The following ASTN2 variants were observed in gnomAD, a reference collection of about 807,000 sequenced individuals.
The protein encoded by ASTN2 is astrotactin-2.
A neutral mutation model predicts 139.8 loss-of-function variants in ASTN2; 54 were observed. The observed-to-expected ratio is 0.39, with a 90% confidence interval of 0.31 to 0.48. The LOEUF (loss-of-function observed/expected upper bound fraction) is 0.48. Among genes scored for constraint, ASTN2 ranks in the 20% least tolerant of loss-of-function variants. The pLI, the probability that ASTN2 is intolerant of heterozygous loss-of-function variation, is 0.95. For synonymous variants in ASTN2, 756 were observed against 719.5 expected (o/e 1.05, Z -0.81); for missense variants, 1,565 against 1,725.1 (o/e 0.91, Z 1.64).
chr9:117,359,019 T>C (rs1454757686), intron 1 of ASTN2, among the ~76,000 whole-genome samples: 1 of 152,156 alleles, frequency 6.6e-6, no homozygotes, highest in Non-Finnish European at 1.5e-5. Context: ...ATAATTCCTC[T>C]AAGAGTAAAC....
chr9:116,880,706 G>C (rs771058699), intron 10 of ASTN2, among the ~76,000 whole-genome samples: 1 of 152,018 alleles, frequency 6.6e-6, no homozygotes, highest in Non-Finnish European at 1.5e-5. Context: ...CTCCCTTCCT[G>C]TTCCTTCTAG....
intron 4 of ASTN2, among the ~76,000 whole-genome samples, chr9:117,100,572 C>A (rs1828952866): frequency 6.6e-6 from 1 of 152,166 alleles, no homozygotes; most frequent in Non-Finnish European, 1.5e-5. Context: ...GTGCTTACAG[C>A]ACATCACAAT....
chr9:117,039,982 A>G lies in ASTN2; in HGVS notation c.1277-17T>C, dbSNP rs187924407. ...TCAGCAAACCTGGTAACAAGAACAT[A>G]CACAAAGACACAAAATTCCATGAGG... On this transcript the variant is annotated splice_polypyrimidine_tract_variant and intron_variant, in intron 5 of 22. Coordinates refer to ENST00000313400, the MANE Select transcript of ASTN2 (RefSeq NM_001365068.1). The G allele has an allele frequency of 3.0e-4, 470 of 1,590,098 alleles. 1 individual carries two copies. Among genetic ancestry groups the G allele is most frequent in the Non-Finnish European group, 3.6e-4 (414 of 1,165,348 alleles).
intron 10 of ASTN2, among the ~76,000 whole-genome samples, chr9:116,948,785 G>GTTTTT (rs58832163): frequency 0.014 from 672 of 49,468 alleles, 166 homozygotes; most frequent in African/African-American, 0.045. Flanking sequence ...ATAATTTGGT[G>GTTTTT]TTTTTTTTTT....
chr9:116,590,631 G>A (rs1588046189), intron 19 of ASTN2, among the ~76,000 whole-genome samples: 1 of 152,322 alleles, frequency 6.6e-6, no homozygotes. Context: ...TGAACCCTGG[G>A]GGCTGGGCTG....
chr9:116,893,833 A>G (rs767338604), intron 10 of ASTN2, among the ~76,000 whole-genome samples: 1 of 152,152 alleles, frequency 6.6e-6, no homozygotes, highest in African/African-American at 2.4e-5. Flanking sequence ...GCCCACTGCC[A>G]GGTTAACTCC....
At chr9:116,696,763 G>C (rs1860875818) in intron 16 of ASTN2, among the ~76,000 whole-genome samples, 1 of 152,002 alleles carries the variant, frequency 6.6e-6, no homozygotes, top group South Asian at 2.1e-4. Flanking sequence ...CTTGTATCTA[G>C]TACAGAACAA....
chr9:116,853,498 T>C (rs1832663782), intron 11 of ASTN2, among the ~76,000 whole-genome samples: 1 of 152,100 alleles, frequency 6.6e-6, no homozygotes, highest in South Asian at 2.1e-4. Flanking sequence ...TCTGACCTCC[T>C]CAAACCCTCA....
intron 10 of ASTN2, among the ~76,000 whole-genome samples, chr9:116,910,031 C>T (rs1403591946): frequency 6.6e-6 from 1 of 152,182 alleles, no homozygotes; most frequent in East Asian, 1.9e-4. Context: ...CCAAAATAGG[C>T]ATGACCCAGT....
intron 13 of ASTN2, among the ~76,000 whole-genome samples, chr9:116,743,117 G>T (rs774214525): frequency 2.0e-5 from 3 of 152,200 alleles, no homozygotes; most frequent in Non-Finnish European, 4.4e-5. Flanking sequence ...CCAAGTTAAG[G>T]GGTAGGGGAG....
At chr9:116,584,816 C>T (rs1186134779) in intron 19 of ASTN2, 1 of 152,122 alleles carries the variant, frequency 6.6e-6, no homozygotes, top group Non-Finnish European at 1.5e-5. Flanking sequence ...CTGAGTTTTC[C>T]AACACTGGAG....
chr9:116,469,356 A>C (rs549102718), intron 20 of ASTN2, among the ~76,000 whole-genome samples: 34 of 151,970 alleles, frequency 2.2e-4, no homozygotes, highest in Non-Finnish European at 4.1e-4. Flanking sequence ...GAACCAGTTC[A>C]CCAATTTCAA....
chr9:116,771,397 A>G (rs1390152716), intron 13 of ASTN2, among the ~76,000 whole-genome samples: 6 of 152,196 alleles, frequency 3.9e-5, no homozygotes, highest in Admixed American at 3.9e-4. Flanking sequence ...GGTGATCCAC[A>G]TAAAGCACAT....
At chr9:117,221,976 GT>G (rs1253852531) in intron 2 of ASTN2, among the ~76,000 whole-genome samples, 4 of 152,158 alleles carry the variant, frequency 2.6e-5, no homozygotes. Flanking sequence ...CTAAGGAAAC[GT>G]GAATTGTGAC....
intron 1 of ASTN2, among the ~76,000 whole-genome samples, chr9:117,385,561 G>A (rs965256501): frequency 3.9e-5 from 6 of 152,200 alleles, no homozygotes; most frequent in East Asian, 3.9e-4. Context: ...ACAGACAAGA[G>A]TGAGGGGATG....
At position 116,693,015 on chromosome 9, in the gene ASTN2, C is replaced by A. The variant is rs117078203; in HGVS notation, c.2806+32756G>T. ...ATCAAAACTCTTCAAAACTGACCAG[C>A]CCTTTTATTAATCTTTATATGCCTT... On this transcript the variant is annotated intron_variant, in intron 16 of 22. Transcript: ENST00000313400. 1.6e-3 allele frequency among the ~76,000 whole-genome samples: 245 copies of A among 152,222 alleles called. 1 individual carries two copies. Among genetic ancestry groups the A allele is most frequent in the Non-Finnish European group, 3.0e-3 (205 of 68,004 alleles).
At chr9:116,472,740 C>T (rs1486365598) in intron 20 of ASTN2, among the ~76,000 whole-genome samples, 1 of 146,278 alleles carries the variant, frequency 6.8e-6, no homozygotes, top group South Asian at 2.4e-4. Flanking sequence ...CCAGTCTCTA[C>T]TAAAAATACA....
At chr9:117,186,907 G>T (rs1305771093) in intron 3 of ASTN2, among the ~76,000 whole-genome samples, 1 of 152,238 alleles carries the variant, frequency 6.6e-6, no homozygotes, top group African/African-American at 2.4e-5. Context: ...AAGGAGGGCA[G>T]ATCATGAAGT....
At chr9:116,429,658 T>C (rs1481177073) in intron 22 of ASTN2, among the ~76,000 whole-genome samples, 1 of 152,198 alleles carries the variant, frequency 6.6e-6, no homozygotes, top group African/African-American at 2.4e-5. Flanking sequence ...CATTATTACA[T>C]CATTAGGTGT....
Sources: gnomAD v4.1 joint callset for allele counts (sites outside exome capture counted in the v4.1 genomes callset) on GRCh38, gnomAD v4.1.1 for gene constraint, MANE v1.5 for transcripts, NCBI Gene and HGNC (gene_info 2026-07-23, HGNC 2026-07-21) for gene names.